NEB: variants seen among roughly 807,000 people sequenced by gnomAD.
NEB encodes the protein nemaline myopathy type 2.
NEB carries 512 observed loss-of-function variants against 952.2 expected under a neutral mutation model. That is an observed-to-expected ratio of 0.54 (90% confidence interval 0.50 to 0.58). NEB has a LOEUF of 0.58. Among genes scored for constraint, NEB ranks in the 20% least tolerant of loss-of-function variants. The pLI is 0.00. For synonymous variants in NEB, 2,900 were observed against 3,149.8 expected (o/e 0.92, Z 2.66); for missense variants, 8,428 against 9,231.1 (o/e 0.91, Z 3.56).
At chr2:151,539,311 G>T (rs921362994) in intron 138 of NEB, among the ~76,000 whole-genome samples, 3 of 152,166 alleles carry the variant, frequency 2.0e-5, no homozygotes, top group Non-Finnish European at 2.9e-5. Context: ...GGGAGTATAT[G>T]ATTTTTTCCC....
Position 151,525,941 on chromosome 2 carries a change from G to T in NEB, c.22161+17C>A. On this transcript the variant is annotated intron_variant, in intron 150 of 181. Transcript: ENST00000397345. ...GTGGCATTGTTGCTGCCAAGAGACC[G>T]GTGGTTGATCACTTACATCACTGAC... 6.3e-7 allele frequency: 1 copy of T among 1,593,038 alleles called. No individual in the cohort carries two copies. Among genetic ancestry groups the T allele is most frequent in the Non-Finnish European group, 8.6e-7 (1 of 1,160,852 alleles).
intron 10 of NEB, among the ~76,000 whole-genome samples, chr2:151,712,585 G>A (rs1202859235): frequency 6.6e-6 from 1 of 151,632 alleles, no homozygotes; most frequent in Non-Finnish European, 1.5e-5. Flanking sequence ...CCACTCCCGA[G>A]CACTGCCAAG....
intron 127 of NEB, 114 bp from the exon 128 acceptor site, chr2:151,552,890 T>G: frequency 2.9e-6 from 2 of 697,490 alleles, no homozygotes. Flanking sequence ...TCATCAGCAC[T>G]ACTCAACAGA....
rs1330534426 is a variant in NEB at position 151,533,436 on chromosome 2, C to T, written c.21417+6G>A. On this transcript the variant is annotated splice_donor_region_variant and intron_variant, in intron 143 of 181. Transcript: ENST00000397345. ...ACCTCCTTCTTCACATCCCATCAGA[C>T]ATTACCTGGCTCCACATATGCGAAT... The T allele has an allele frequency of 1.3e-6, 2 of 1,538,692 alleles. No homozygotes were observed. Among genetic ancestry groups the T allele is most frequent in the African/African-American group, 2.7e-5 (2 of 72,740 alleles).
chr2:151,688,321 G>A lies in NEB; in HGVS notation c.2386C>T (p.His796Tyr). 1 of 1,613,690 alleles carries A rather than the reference G, an allele frequency of 6.2e-7. No homozygotes were observed. The highest frequency in any genetic ancestry group is 8.5e-7 in the Non-Finnish European group (1 of 1,179,624). The change falls in exon 25 of 182, where the codon CAC (histidine) becomes TAC (tyrosine). Residue 796 changes from histidine (H) to tyrosine (Y), a missense_variant. Around this residue, in one of 11 missense-constraint regions of NEB, gnomAD observed 2,851 missense variants for 2,791.5 expected, o/e 1.02. Transcript: ENST00000397345. ...CTCAGATTATAGGCATTGACTCTGT[G>A]TTGGATAAACTGTGGAGCATCTGCT... ...IPADAPQFIQ[H>Y]RVNAYNLSDN...
At chr2:151,536,107 C>T (rs2093152114) in intron 141 of NEB, among the ~76,000 whole-genome samples, 1 of 152,072 alleles carries the variant, frequency 6.6e-6, no homozygotes, top group Non-Finnish European at 1.5e-5. Context: ...GGGGTTTTGT[C>T]ATATTGCCCA....
At chr2:151,638,104 C>T (rs2098797002) in intron 63 of NEB, among the ~76,000 whole-genome samples, 1 of 152,140 alleles carries the variant, frequency 6.6e-6, no homozygotes, top group Non-Finnish European at 1.5e-5. Flanking sequence ...GAGATAAATG[C>T]CAATCTTTGA....
At chr2:151,611,167 C>A (rs934123626) in intron 78 of NEB, among the ~76,000 whole-genome samples, 2 of 152,178 alleles carry the variant, frequency 1.3e-5, no homozygotes, top group Non-Finnish European at 2.9e-5. Flanking sequence ...AGATGGATCT[C>A]AGTTATGGAA....
Position 151,516,464 on chromosome 2 carries a change from T to G in NEB, c.22900A>C (p.Ser7634Arg). Residue 7634 changes from serine to arginine, a missense_variant, in exon 157 of 182, where the codon AGT becomes CGT. By Grantham distance (110) the Ser-to-Arg change is moderately radical (BLOSUM62 -1). Transcript: ENST00000397345. ...GTGTGGTTTTTTTGACTTACCCCAC[T>G]CTGCATCTGCTGAGACTCTTTGGCA... Reference protein sequence around the residue: ...ITAKESQQMQSGKEYRKDYEE... With the variant: ...ITAKESQQMQRGKEYRKDYEE... 1 of 1,608,316 alleles carries G rather than the reference T, an allele frequency of 6.2e-7. No homozygotes were observed. Among genetic ancestry groups the G allele is most frequent in the Middle Eastern group, 1.7e-4 (1 of 6,052 alleles).
intron 161 of NEB, among the ~76,000 whole-genome samples, chr2:151,509,121 C>A (rs1459487156): frequency 7.2e-5 from 11 of 152,130 alleles, no homozygotes; most frequent in African/African-American, 2.7e-4. Context: ...ATAGGAATTA[C>A]ATTTATAAGT....
intron 77 of NEB, among the ~76,000 whole-genome samples, chr2:151,613,760 C>T (rs1250063298): frequency 6.6e-6 from 1 of 152,080 alleles, no homozygotes; most frequent in Non-Finnish European, 1.5e-5. Flanking sequence ...GTAGCACTTC[C>T]CCCTTTGCTC....
Position 151,524,361 on chromosome 2 carries a change from C to A in NEB, c.22429G>T (p.Gly7477Cys), listed in dbSNP as rs764674361. Residue 7477 changes from glycine (G) to cysteine (C), a missense_variant, in exon 153 of 182, where the codon GGT becomes TGT. Transcript: ENST00000397345. Reference protein sequence around the residue: ...KEGSHGLSMLGRPDIEMAKKA... With the variant: ...KEGSHGLSMLCRPDIEMAKKA... ...TTGGCCATTTCTATGTCTGGGCGAC[C>A]GAGCATGCTTAAGCCATGGCTGCCT... 1 of 1,613,808 alleles carries A rather than the reference C, an allele frequency of 6.2e-7. No homozygotes were observed. The highest frequency in any genetic ancestry group is 1.3e-5 in the African/African-American group (1 of 74,932).
At chr2:151,733,065 TTTGA>T in intron 3 of NEB, 52 bp downstream of exon 3, 32 of 1,496,550 alleles carry the variant, frequency 2.1e-5, no homozygotes, top group Non-Finnish European at 2.9e-5. Context: ...CCTACACAGC[TTTGA>T]TTGTCACTAC....
chr2:151,532,147 A>C, intron 143 of NEB: 1 of 324,280 alleles, frequency 3.1e-6, no homozygotes, highest in Non-Finnish European at 5.7e-6. Flanking sequence ...CCCAGGCTGG[A>C]GTGCAGTGGT....
intron 36 of NEB, among the ~76,000 whole-genome samples, chr2:151,673,914 G>T (rs923784418): frequency 6.6e-6 from 1 of 151,464 alleles, no homozygotes; most frequent in African/African-American, 2.4e-5. Context: ...CTCGTGATCC[G>T]CTCTTCTGAA....
rs2098280930 is a variant in NEB, at chr2:151,618,553, G to A, written c.10873-75C>T. 1.4e-5 allele frequency: 20 copies of A among 1,384,882 alleles called. No individual in the cohort carries two copies. In the South Asian group the frequency reaches 1.9e-4, roughly 13 times the overall value. 85.8% of individuals were successfully genotyped at this position (1,384,882 alleles called of 1,614,324 possible). A position where few individuals can be genotyped will look rare whatever the true frequency, so the allele number is the denominator to read the frequency against. Reference sequence around the variant, plus strand: ...CATAGTTACAAAATGGGTTATCCTAGAGAAACACAAAAATACCGATGAATA... The same window carrying A: ...CATAGTTACAAAATGGGTTATCCTAAAGAAACACAAAAATACCGATGAATA... On this transcript the variant is annotated intron_variant, in intron 73 of 181. Transcript: ENST00000397345.
intron 9 of NEB, among the ~76,000 whole-genome samples, chr2:151,718,643 C>T (rs2099765924): frequency 6.6e-6 from 1 of 152,210 alleles, no homozygotes; most frequent in Non-Finnish European, 1.5e-5. Context: ...ATGACTCCTG[C>T]ACCCAGGGTG....
At chr2:151,679,116 A>G (rs2099395820) in intron 32 of NEB, among the ~76,000 whole-genome samples, 1 of 152,188 alleles carries the variant, frequency 6.6e-6, no homozygotes, top group African/African-American at 2.4e-5. Context: ...GAGACTCCAC[A>G]GAAATCATGG....
At chr2:151,512,513 C>G (rs2075340456) in intron 161 of NEB, among the ~76,000 whole-genome samples, 1 of 152,064 alleles carries the variant, frequency 6.6e-6, no homozygotes, top group South Asian at 2.1e-4. Flanking sequence ...AGGGTTTTGC[C>G]ATATTGTCCA....
Sources: gnomAD v4.1 joint callset for allele counts (sites outside exome capture counted in the v4.1 genomes callset) on GRCh38, gnomAD v4.1.1 for gene constraint, gnomAD v4.1.1 regional missense constraint, MANE v1.5 for transcripts, NCBI Gene and HGNC (gene_info 2026-07-23, HGNC 2026-07-21) for gene names.